The following GRIK3 variants were observed in gnomAD, a reference collection of about 807,000 sequenced individuals.
GRIK3 encodes glutamate ionotropic receptor kainate type subunit 3, also known as glutamate receptor ionotropic, kainate 3.
GRIK3 carries 29 observed loss-of-function variants against 102.5 expected under a neutral mutation model. That is an observed-to-expected ratio of 0.28 (90% CI 0.21 to 0.39). The LOEUF is 0.39. Among genes scored for constraint, GRIK3 ranks in the 10% least tolerant of loss-of-function variants. The pLI is 1.00. For synonymous variants in GRIK3, 511 were observed against 504.9 expected (o/e 1.01, Z -0.16); for missense variants, 908 against 1,252.4 (o/e 0.73, Z 4.15).
chr1:37,033,589 T>C (rs1026597206), intron 1 of GRIK3, among the ~76,000 whole-genome samples: 3 of 151,924 alleles, frequency 2.0e-5, no homozygotes, highest in African/African-American at 7.3e-5. Context: ...GGGAGTGAGG[T>C]GGGCAGAGGA....
intron 7 of GRIK3, among the ~76,000 whole-genome samples, chr1:36,856,134 C>A (rs1570762628): frequency 6.6e-6 from 1 of 152,236 alleles, no homozygotes; most frequent in East Asian, 1.9e-4. Context: ...CACAGGGAAA[C>A]TCAGCTTCCC....
At chr1:36,874,480 T>G (rs2124256355) in intron 3 of GRIK3, among the ~76,000 whole-genome samples, 1 of 152,306 alleles carries the variant, frequency 6.6e-6, no homozygotes, top group South Asian at 2.1e-4. Context: ...TGCCCTGTGC[T>G]TCCTAATACC....
At chr1:36,989,483 G>A (rs1479222582) in intron 1 of GRIK3, among the ~76,000 whole-genome samples, 2 of 152,222 alleles carry the variant, frequency 1.3e-5, no homozygotes, top group Admixed American at 6.5e-5. Context: ...GGCAGTGTGC[G>A]AAGGAGGTCA....
At chr1:36,923,949 A>G (rs1218038594) in intron 1 of GRIK3, among the ~76,000 whole-genome samples, 1 of 152,024 alleles carries the variant, frequency 6.6e-6, no homozygotes, top group Non-Finnish European at 1.5e-5. Flanking sequence ...GGGCCCACAC[A>G]TACAAGCAAG....
chr1:36,814,537 T>C (rs1642602321), intron 13 of GRIK3, among the ~76,000 whole-genome samples: 1 of 120,648 alleles, frequency 8.3e-6, no homozygotes, highest in Admixed American at 1.0e-4. Flanking sequence ...CAGAGACACA[T>C]ATGCATGCAT....
At chr1:37,030,795 G>A (rs1485480339) in intron 1 of GRIK3, among the ~76,000 whole-genome samples, 3 of 152,018 alleles carry the variant, frequency 2.0e-5, no homozygotes, top group Admixed American at 1.3e-4. Context: ...AACAGTGCCC[G>A]CCAGCCTGCA....
chr1:36,972,973 T>C (rs1363644268), intron 1 of GRIK3, among the ~76,000 whole-genome samples: 1 of 152,152 alleles, frequency 6.6e-6, no homozygotes, highest in East Asian at 1.9e-4. Context: ...TTGTACTAGG[T>C]GCCCACTGGC....
In GRIK3 at chr1:36,796,577, A is replaced by T. The variant is rs1642367408; in HGVS notation, c.*5274T>A. On this transcript the variant is annotated 3_prime_UTR_variant, in exon 16 of 16. Coordinates refer to ENST00000373091, the MANE Select transcript of GRIK3 (RefSeq NM_000831.4). ...CAATCTGGGAGGTGATGTGAGGTCC[A>T]CTGTTCTAGAAGGCAGGAGGACAGG... is the stretch of plus-strand genomic sequence containing the variant. 6.6e-6 allele frequency: 1 copy of T among 152,220 alleles called. No individual in the cohort carries two copies. The highest frequency in any genetic ancestry group is 2.1e-4 in the South Asian group (1 of 4,824). 9.4% of individuals were successfully genotyped at this position (152,220 alleles called of 1,614,324 possible). A position where few individuals can be genotyped will look rare whatever the true frequency, so the allele number is the denominator to read the frequency against.
intron 1 of GRIK3, among the ~76,000 whole-genome samples, chr1:37,026,003 C>G (rs1461541640): frequency 6.6e-6 from 1 of 152,102 alleles, no homozygotes; most frequent in Non-Finnish European, 1.5e-5. Flanking sequence ...CTGCTGTCTT[C>G]TAGGAGAGCT....
intron 5 of GRIK3, among the ~76,000 whole-genome samples, chr1:36,864,046 T>C (rs943100666): frequency 2.0e-5 from 3 of 152,210 alleles, no homozygotes; most frequent in African/African-American, 4.8e-5. Flanking sequence ...CTCCCCATGA[T>C]ATAAGTGTTA....
chr1:36,926,800 T>A (rs1395181349), intron 1 of GRIK3, among the ~76,000 whole-genome samples: 1 of 152,212 alleles, frequency 6.6e-6, no homozygotes, highest in Non-Finnish European at 1.5e-5. Flanking sequence ...CACGTTCTTA[T>A]AACCACTCCC....
At chr1:36,996,256 C>G (rs1302667842) in intron 1 of GRIK3, among the ~76,000 whole-genome samples, 2 of 152,240 alleles carry the variant, frequency 1.3e-5, no homozygotes, top group Non-Finnish European at 2.9e-5. Flanking sequence ...ATTTCTTCAC[C>G]CATAAAATCA....
At chr1:36,984,495 A>G (rs1425842809) in intron 1 of GRIK3, among the ~76,000 whole-genome samples, 1 of 152,084 alleles carries the variant, frequency 6.6e-6, no homozygotes, top group Non-Finnish European at 1.5e-5. Flanking sequence ...AAATCCACAA[A>G]TGGCTCCTTC....
At chr1:37,015,536 C>T (rs1642644730) in intron 1 of GRIK3, among the ~76,000 whole-genome samples, 1 of 152,200 alleles carries the variant, frequency 6.6e-6, no homozygotes, top group Admixed American at 6.5e-5. Context: ...TTGTTCATTA[C>T]TAAATCTCCC....
At chr1:36,840,715 T>C (rs1440825370) in intron 10 of GRIK3, among the ~76,000 whole-genome samples, 3 of 152,118 alleles carry the variant, frequency 2.0e-5, no homozygotes, top group African/African-American at 7.2e-5. Context: ...TGATTCTGTC[T>C]CTAACAACAG....
intron 1 of GRIK3, among the ~76,000 whole-genome samples, chr1:36,992,149 A>T (rs1282054159): frequency 2.0e-5 from 3 of 152,244 alleles, no homozygotes; most frequent in Admixed American, 6.5e-5. Flanking sequence ...GGGCATAGAG[A>T]TGAACACGAT....
chr1:36,971,441 C>A (rs1446270087), intron 1 of GRIK3, among the ~76,000 whole-genome samples: 2 of 152,218 alleles, frequency 1.3e-5, no homozygotes, highest in Non-Finnish European at 2.9e-5. Context: ...CTGAACCAGT[C>A]TACCCCTAGA....
chr1:36,844,039 T>A (rs1235140373), intron 9 of GRIK3, among the ~76,000 whole-genome samples: 1 of 152,272 alleles, frequency 6.6e-6, no homozygotes, highest in African/African-American at 2.4e-5. Flanking sequence ...AGTAGCCTCC[T>A]GCTGGGCTCC....
In GRIK3 at chr1:36,880,643, C is replaced by T. The variant is rs1403468084; in HGVS notation, c.541G>A (p.Asp181Asn). ...KWRSATVVYD[D>N]STGLIRLQEL... ...AGGCCTGGCCACCCACCTGTACTGTCGTCATAGACCACGGTGGCTGACCGC... is the reference window on the plus strand; with the variant it reads ...AGGCCTGGCCACCCACCTGTACTGTTGTCATAGACCACGGTGGCTGACCGC... The change falls in exon 3 of 16, where the codon GAC becomes AAC. Residue 181 changes from aspartate to asparagine, a missense_variant. Transcript: ENST00000373091. The surrounding 1 kb of genome is among the most constrained non-coding windows in gnomAD (Gnocchi z 5.4). 2 of 1,614,106 alleles carry T rather than the reference C, an allele frequency of 1.2e-6. No homozygotes were observed. The highest frequency in any genetic ancestry group is 1.7e-6 in the Non-Finnish European group (2 of 1,179,974).
Sources: allele counts gnomAD v4.1 joint callset (sites outside exome capture counted in the v4.1 genomes callset), GRCh38; gene constraint gnomAD v4.1.1; non-coding constraint Gnocchi (gnomAD v3.1); transcripts MANE v1.5; gene names NCBI Gene and HGNC (gene_info 2026-07-23, HGNC 2026-07-21).